Variants in SHANK2 observed in about 807,000 individuals in gnomAD.
SHANK2 encodes the protein SH3 and multiple ankyrin repeat domains protein 2.
In SHANK2, 43 loss-of-function variants were observed where a neutral mutation model predicts 133.7. The observed-to-expected ratio is 0.32, with a 90% CI of 0.25 to 0.41. The LOEUF (loss-of-function observed/expected upper bound fraction) is 0.41, where lower values mean the gene tolerates loss of function less well. Ranked by LOEUF, SHANK2 falls within the 10% of genes least tolerant of loss-of-function variation. SHANK2 has a pLI of 1.00. For missense variants in SHANK2, 1,994 were observed against 2,235.8 expected, an observed-to-expected ratio of 0.89 and a Z score of 2.18; for synonymous variants, 1,017 against 952.8, an observed-to-expected ratio of 1.07 and a Z score of -1.24.
intron 9 of SHANK2, among the ~76,000 whole-genome samples, chr11:71,073,147 CTTTTTTTTCTTTTTTTTCTTTTTTT>C (rs1171282098): frequency 1.6e-5 from 1 of 62,716 alleles, no homozygotes; most frequent in Admixed American, 1.6e-4. Context: ...TTTTTCTTTT[CTTTTTTTTCTTTTTTTTCTTTTTTT>C]TTTTGAGATA....
intron 2 of SHANK2, among the ~76,000 whole-genome samples, chr11:71,219,782 C>G (rs559387692): frequency 6.6e-6 from 1 of 152,160 alleles, no homozygotes; most frequent in South Asian, 2.1e-4. Flanking sequence ...CCTGTAATCT[C>G]AGCTACTCGG....
intron 17 of SHANK2, among the ~76,000 whole-genome samples, chr11:70,526,361 C>T (rs2059396296): frequency 6.6e-6 from 1 of 152,184 alleles, no homozygotes; most frequent in South Asian, 2.1e-4. Flanking sequence ...GACAAGAGAC[C>T]ACTGGCCGTG....
At chr11:70,606,075 C>T (rs1310207754) in intron 17 of SHANK2, among the ~76,000 whole-genome samples, 1 of 152,140 alleles carries the variant, frequency 6.6e-6, no homozygotes, top group Non-Finnish European at 1.5e-5. Context: ...TTCATGAGTG[C>T]TCTGCTGCCA....
chr11:71,122,002 G>T (rs1300105915), intron 3 of SHANK2, among the ~76,000 whole-genome samples: 3 of 152,212 alleles, frequency 2.0e-5, no homozygotes, highest in African/African-American at 7.2e-5. Context: ...AACAACAGGT[G>T]CTGGAGAGGA....
chr11:70,952,631 G>A (rs1007144338), intron 10 of SHANK2: 9 of 251,770 alleles, frequency 3.6e-5, no homozygotes, highest in East Asian at 2.3e-4. Flanking sequence ...TGTGGCTTTC[G>A]TTGGTGGCAA....
At chr11:70,681,579 C>A (rs1945030126) in intron 15 of SHANK2, among the ~76,000 whole-genome samples, 3 of 152,194 alleles carry the variant, frequency 2.0e-5, no homozygotes, top group African/African-American at 7.2e-5. Flanking sequence ...ACCATCCAGG[C>A]TCTCAGCCGG....
rs903651835 is a variant in SHANK2, at chr11:70,558,590, G to A, written c.2062-55659C>T. 2.0e-5 allele frequency among the ~76,000 whole-genome samples: 3 copies of A among 152,262 alleles called. No homozygotes were observed. The South Asian group carries it at 6.2e-4, about 31-fold the overall frequency. ...CGTCTGTAACACAGAGGCAAGATCA[G>A]TGCTCCCCCATGGGGATGCTAGCTG... On this transcript the variant is annotated intron_variant, in intron 17 of 25. Coordinates refer to ENST00000601538, the MANE Select transcript of SHANK2 (RefSeq NM_012309.5).
At chr11:70,662,068 GCGGCGGCGT>G (rs1944561968) in intron 15 of SHANK2, 16 of 489,630 alleles carry the variant, frequency 3.3e-5, no homozygotes, top group Non-Finnish European at 3.7e-6. Context: ...GGCCTCAGCA[GCGGCGGCGT>G]CGGGAATGAG....
intron 17 of SHANK2, among the ~76,000 whole-genome samples, chr11:70,539,046 G>A (rs925375907): frequency 2.0e-5 from 3 of 152,250 alleles, no homozygotes; most frequent in Non-Finnish European, 4.4e-5. Context: ...CGATGTACGG[G>A]TTTACTTTTA....
chr11:70,480,983 C>T lies in SHANK2; in HGVS notation c.4979+4331G>A, dbSNP rs545749723. 2.5e-3 allele frequency among the ~76,000 whole-genome samples: 376 copies of T among 152,336 alleles called. 2 individuals are homozygous for T. The highest frequency in any genetic ancestry group is 8.7e-3 in the African/African-American group (363 of 41,584). ...TCTGGGCTGGCAGCTGTTGTCTTGG[C>T]ATTCTGCTGAGGAGGGACCACTGAC... On this transcript the variant is annotated intron_variant, in intron 25 of 25. Coordinates refer to ENST00000601538, the MANE Select transcript of SHANK2 (RefSeq NM_012309.5).
intron 14 of SHANK2, among the ~76,000 whole-genome samples, chr11:70,782,881 G>A (rs546782547): frequency 6.6e-6 from 1 of 152,316 alleles, no homozygotes; most frequent in Non-Finnish European, 1.5e-5. Context: ...TAGTGAGCTG[G>A]TGACACGTGG....
At chr11:71,206,110 A>ACG (rs552117388) in intron 2 of SHANK2, among the ~76,000 whole-genome samples, 195 of 152,306 alleles carry the variant, frequency 1.3e-3, no homozygotes, top group African/African-American at 4.4e-3. Flanking sequence ...GGGAAAGAAT[A>ACG]CGCGAACTCA....
intron 17 of SHANK2, among the ~76,000 whole-genome samples, chr11:70,627,621 A>T (rs1003508006): frequency 1.3e-5 from 2 of 152,222 alleles, no homozygotes; most frequent in Non-Finnish European, 2.9e-5. Context: ...GAATATTTGC[A>T]TGTACATTTG....
In SHANK2 at chr11:70,569,291, T is replaced by TG. The variant is rs1291071010; in HGVS notation, c.2062-66361dup. Among the ~76,000 whole-genome samples, 1 of 152,144 alleles carries TG rather than the reference T, an allele frequency of 6.6e-6. No individual in the cohort carries two copies. The highest frequency in any genetic ancestry group is 1.5e-5 in the Non-Finnish European group (1 of 68,020). On this transcript the variant is annotated intron_variant, in intron 17 of 25. Coordinates refer to ENST00000601538, the MANE Select transcript of SHANK2 (RefSeq NM_012309.5). This position sits in a 1 kb window ranked among gnomAD's most constrained non-coding sequence, Gnocchi z 5.1. ...TGGCTAAGCCATGCCGCTGGGGTCCTGGGGGGTCAGGCTCGGGAGCGTCTG... is the reference window on the plus strand; with the variant it reads ...TGGCTAAGCCATGCCGCTGGGGTCCTGGGGGGGTCAGGCTCGGGAGCGTCTG...
chr11:71,213,525 G>A (rs182737792), intron 2 of SHANK2, among the ~76,000 whole-genome samples: 2 of 152,264 alleles, frequency 1.3e-5, no homozygotes, highest in Middle Eastern at 3.4e-3. Context: ...AGAGGAGAGC[G>A]CAGACTCTGT....
At chr11:70,543,570 G>C (rs2059650628) in intron 17 of SHANK2, among the ~76,000 whole-genome samples, 1 of 152,206 alleles carries the variant, frequency 6.6e-6, no homozygotes, top group Admixed American at 6.5e-5. Context: ...GGGGTGGCGT[G>C]CCTGGGCAGG....
At chr11:71,104,271 G>A (rs1555097341) in intron 6 of SHANK2, among the ~76,000 whole-genome samples, 1 of 152,180 alleles carries the variant, frequency 6.6e-6, no homozygotes, top group Non-Finnish European at 1.5e-5. Context: ...CTGCAGAGAA[G>A]TAGGGGTTAA....
chr11:71,110,209 C>G (rs980166797), intron 5 of SHANK2, among the ~76,000 whole-genome samples, 160 bp from the exon 6 acceptor site: 8 of 152,160 alleles, frequency 5.3e-5, no homozygotes, highest in African/African-American at 1.4e-4. Context: ...GAGGCCGAGG[C>G]GGGCAGATCA....
At chr11:71,088,590 T>C (rs986463809) in intron 8 of SHANK2, among the ~76,000 whole-genome samples, 33 of 152,194 alleles carry the variant, frequency 2.2e-4, no homozygotes, top group Non-Finnish European at 4.0e-4. Flanking sequence ...GTGGAGACCC[T>C]GTGAGACTCG....
Sources: gnomAD v4.1 joint callset for allele counts (sites outside exome capture counted in the v4.1 genomes callset) on GRCh38, gnomAD v4.1.1 for gene constraint, Gnocchi (gnomAD v3.1) non-coding constraint, MANE v1.5 for transcripts, NCBI Gene and HGNC (gene_info 2026-07-23, HGNC 2026-07-21) for gene names.